LMNTD1: variants seen among roughly 807,000 people sequenced by gnomAD.
The protein encoded by LMNTD1 is lamin tail domain-containing protein 1.
Under a neutral mutation model 50.9 loss-of-function variants are expected in LMNTD1, and 35 were observed. That is an observed-to-expected ratio of 0.69 (90% CI 0.53 to 0.91). The LOEUF (loss-of-function observed/expected upper bound fraction) is 0.91. LMNTD1 is among the 40% of genes least tolerant of loss of function. The pLI is 0.00. For missense variants in LMNTD1, 470 were observed against 475.5 expected, an observed-to-expected ratio of 0.99 and a Z score of 0.11; for synonymous variants, 153 against 161.9, an observed-to-expected ratio of 0.94 and a Z score of 0.42.
intron 1 of LMNTD1, among the ~76,000 whole-genome samples, chr12:25,613,218 T>C (rs1377933460): frequency 2.6e-5 from 4 of 152,214 alleles, no homozygotes; most frequent in East Asian, 3.8e-4. Flanking sequence ...TAATTTGTTA[T>C]AGTAGCAACA....
chr12:25,593,088 G>C (rs753145406), intron 1 of LMNTD1, among the ~76,000 whole-genome samples: 1 of 140,412 alleles, frequency 7.1e-6, no homozygotes, highest in Non-Finnish European at 1.5e-5. Context: ...AAGAGTCTGA[G>C]CTCAGACATG....
At chr12:25,600,816 G>A (rs1165410127) in intron 1 of LMNTD1, among the ~76,000 whole-genome samples, 2 of 152,056 alleles carry the variant, frequency 1.3e-5, no homozygotes, top group Non-Finnish European at 2.9e-5. Context: ...TGGTGAGGTT[G>A]TGGAGAAAAG....
chr12:25,630,036 C>T (rs973320536), intron 1 of LMNTD1, among the ~76,000 whole-genome samples: 1 of 151,978 alleles, frequency 6.6e-6, no homozygotes, highest in Admixed American at 6.6e-5. Flanking sequence ...GGGAAATAAG[C>T]AGTAAAAAAG....
chr12:25,500,676 A>C (rs964673121), intron 9 of LMNTD1, among the ~76,000 whole-genome samples: 6 of 152,092 alleles, frequency 3.9e-5, no homozygotes, highest in Admixed American at 2.0e-4. Context: ...TTTTTTGAGA[A>C]TCCTCAGTAT....
Position 25,647,189 on chromosome 12 carries a change from G to A in LMNTD1, c.58+1305C>T, listed in dbSNP as rs185063228. Among the ~76,000 whole-genome samples, 784 of 152,278 alleles carry A rather than the reference G, an allele frequency of 5.1e-3. 7 individuals carry two copies. Among genetic ancestry groups the A allele is most frequent in the Non-Finnish European group, 6.0e-3 (411 of 68,026 alleles). On this transcript the variant is annotated intron_variant, in intron 1 of 7. Transcript: ENST00000445693. ...TAATATTGTCTACAATAATAAATAT[G>A]TTTCTGATAAAATTTCTACAATCTG...
intron 1 of LMNTD1, among the ~76,000 whole-genome samples, chr12:25,641,630 A>G (rs1946960625): frequency 6.6e-6 from 1 of 152,212 alleles, no homozygotes; most frequent in Admixed American, 6.5e-5. Context: ...TTATAAAAGT[A>G]ATATAATAAC....
At chr12:25,615,415 G>A (rs1340313477) in intron 1 of LMNTD1, among the ~76,000 whole-genome samples, 1 of 152,132 alleles carries the variant, frequency 6.6e-6, no homozygotes, top group Non-Finnish European at 1.5e-5. Context: ...ACAACGTTCA[G>A]AAGAGAGCCA....
At chr12:25,559,189 T>C (rs1426142386) in intron 1 of LMNTD1, among the ~76,000 whole-genome samples, 1 of 151,996 alleles carries the variant, frequency 6.6e-6, no homozygotes, top group Admixed American at 6.6e-5. Flanking sequence ...ATGCTATACC[T>C]CCCCCCTGCC....
chr12:25,503,320 CA>C (rs1476611393), intron 9 of LMNTD1, among the ~76,000 whole-genome samples: 1 of 152,108 alleles, frequency 6.6e-6, no homozygotes, highest in East Asian at 1.9e-4. Flanking sequence ...TATCATTTAG[CA>C]AGTGAGAACA....
Position 25,526,785 on chromosome 12 carries a change from G to A in LMNTD1, c.662C>T (p.Ala221Val). 6.2e-7 allele frequency: 1 copy of A among 1,607,656 alleles called. No homozygotes were observed. ...TATACTCACTGTTACTGTGGAATTT[G>A]CCTGCATTACGATGTTTGGAAGGAA... ...YRFLPNIVMQ[A>V]NSTVTVWAAA... The change falls in exon 5 of 10, where the codon GCA (alanine) becomes GTA (valine). Residue 221 changes from alanine (A) to valine (V), a missense_variant. Coordinates refer to ENST00000458174, the MANE Select transcript of LMNTD1 (RefSeq NM_001145728.2).
intron 1 of LMNTD1, among the ~76,000 whole-genome samples, chr12:25,575,711 T>A (rs1280709178): frequency 6.6e-6 from 1 of 152,164 alleles, no homozygotes; most frequent in Non-Finnish European, 1.5e-5. Context: ...AATTATACTT[T>A]AAGTTCTAGG....
intron 4 of LMNTD1, among the ~76,000 whole-genome samples, chr12:25,539,653 C>T (rs1942898808): frequency 1.3e-5 from 2 of 151,310 alleles, no homozygotes; most frequent in African/African-American, 2.4e-5. Flanking sequence ...CCTAACATCA[C>T]AATTGAAAGA....
chr12:25,573,646 G>A (rs1037729994), intron 1 of LMNTD1, among the ~76,000 whole-genome samples: 1 of 152,146 alleles, frequency 6.6e-6, no homozygotes, highest in Non-Finnish European at 1.5e-5. Context: ...CAGTTCACTA[G>A]GAGCAGAATT....
chr12:25,534,542 A>G (rs886828432), intron 4 of LMNTD1, among the ~76,000 whole-genome samples: 3 of 152,162 alleles, frequency 2.0e-5, no homozygotes, highest in Non-Finnish European at 2.9e-5. Flanking sequence ...GGTCACAAGG[A>G]GAGTATCAGA....
chr12:25,515,852 T>C (rs1486719100), intron 8 of LMNTD1, among the ~76,000 whole-genome samples: 2 of 152,134 alleles, frequency 1.3e-5, no homozygotes, highest in African/African-American at 4.8e-5. Context: ...GATTCTTCTG[T>C]AACTCAGCAA....
At chr12:25,549,194 T>C (rs1201044222) in intron 3 of LMNTD1, 132 bp downstream of exon 3, 5 of 570,226 alleles carry the variant, frequency 8.8e-6, no homozygotes, top group African/African-American at 1.9e-5. Flanking sequence ...TTACTTTTCA[T>C]AAGATGCTAG....
intron 1 of LMNTD1, among the ~76,000 whole-genome samples, chr12:25,633,268 C>T (rs1300169156): frequency 6.6e-6 from 1 of 152,030 alleles, no homozygotes; most frequent in Admixed American, 6.6e-5. Context: ...GATAGATCAT[C>T]AAGACAGAAA....
At chr12:25,511,065 C>T (rs904672267) in intron 8 of LMNTD1, among the ~76,000 whole-genome samples, 1 of 151,898 alleles carries the variant, frequency 6.6e-6, no homozygotes, top group Non-Finnish European at 1.5e-5. Context: ...AAAGAATTAT[C>T]CATGAAAAGA....
chr12:25,636,541 A>C (rs1371254106), intron 1 of LMNTD1, among the ~76,000 whole-genome samples: 2 of 152,226 alleles, frequency 1.3e-5, no homozygotes, highest in African/African-American at 2.4e-5. Context: ...ATGGGAATGT[A>C]AACTAGTACA....
Sources: allele counts gnomAD v4.1 joint callset (sites outside exome capture counted in the v4.1 genomes callset), GRCh38; gene constraint gnomAD v4.1.1; transcripts MANE v1.5; gene names NCBI Gene and HGNC (gene_info 2026-07-23, HGNC 2026-07-21).